Variants in FRMD4A observed in about 807,000 individuals in gnomAD.
FRMD4A encodes FERM domain containing 4A, also known as FERM domain-containing protein 4A.
A neutral mutation model predicts 129.1 loss-of-function variants in FRMD4A; 29 were observed. The ratio of observed to expected loss-of-function variants is 0.22; its 90% CI spans 0.17 to 0.31. The LOEUF (loss-of-function observed/expected upper bound fraction) is 0.31. Ranked by LOEUF, FRMD4A falls within the 10% of genes least tolerant of loss-of-function variation. The probability of loss-of-function intolerance (pLI) is 1.00; values close to 1 mark genes in which losing one functional copy is unlikely to be tolerated. For missense variants in FRMD4A, 1,272 were observed against 1,375.8 expected, an observed-to-expected ratio of 0.92 and a Z score of 1.19; for synonymous variants, 634 against 571.6, an observed-to-expected ratio of 1.11 and a Z score of -1.56.
At chr10:13,730,641 T>C (rs1177636616) in intron 12 of FRMD4A, among the ~76,000 whole-genome samples, 1 of 152,138 alleles carries the variant, frequency 6.6e-6, no homozygotes, top group Non-Finnish European at 1.5e-5. Flanking sequence ...GCAGCGCTTC[T>C]TTCTATTCCC....
intron 3 of FRMD4A, among the ~76,000 whole-genome samples, chr10:13,845,700 A>G (rs1294884708): frequency 6.6e-6 from 1 of 152,182 alleles, no homozygotes; most frequent in African/African-American, 2.4e-5. Flanking sequence ...GTTCTAGTGA[A>G]TTTAACCCTA....
intron 2 of FRMD4A, among the ~76,000 whole-genome samples, chr10:13,908,706 G>C (rs2094909042): frequency 6.6e-6 from 1 of 152,172 alleles, no homozygotes; most frequent in Middle Eastern, 3.2e-3. Context: ...TCATTCATTT[G>C]ATGACCTTCT....
chr10:13,891,870 G>A (rs1226701292), intron 2 of FRMD4A: 2 of 401,610 alleles, frequency 5.0e-6, no homozygotes, highest in African/African-American at 2.2e-5. Context: ...CCCGCCGCCG[G>A]CCCGCCCCTC....
At chr10:13,988,609 G>T (rs2095591022) in intron 2 of FRMD4A, among the ~76,000 whole-genome samples, 1 of 152,198 alleles carries the variant, frequency 6.6e-6, no homozygotes, top group African/African-American at 2.4e-5. Flanking sequence ...TAGATGAATG[G>T]ATGGGTACAT....
chr10:14,034,331 T>A (rs1489307320), intron 2 of FRMD4A, among the ~76,000 whole-genome samples: 1 of 152,162 alleles, frequency 6.6e-6, no homozygotes, highest in Non-Finnish European at 1.5e-5. Context: ...TTCCGAGTGA[T>A]GAGAATCCAG....
chr10:13,812,595 G>A (rs2093467808), intron 3 of FRMD4A, among the ~76,000 whole-genome samples: 1 of 152,228 alleles, frequency 6.6e-6, no homozygotes, highest in African/African-American at 2.4e-5. Flanking sequence ...TTTTAACAGG[G>A]ACACGGAGTA....
chr10:13,759,507 C>G (rs2091985451), intron 8 of FRMD4A, among the ~76,000 whole-genome samples: 2 of 152,136 alleles, frequency 1.3e-5, no homozygotes, highest in Admixed American at 1.3e-4. Context: ...GAGTTCAGAG[C>G]TGGCGAAAGA....
chr10:14,055,595 T>C (rs1291681011), intron 2 of FRMD4A, among the ~76,000 whole-genome samples: 7 of 152,232 alleles, frequency 4.6e-5, no homozygotes, highest in African/African-American at 9.6e-5. Context: ...GGTTAAAAAC[T>C]GTACATTATG....
intron 2 of FRMD4A, among the ~76,000 whole-genome samples, chr10:13,931,170 T>A (rs1215644149): frequency 6.6e-6 from 1 of 152,026 alleles, no homozygotes; most frequent in Non-Finnish European, 1.5e-5. Flanking sequence ...GAAGAGGAGA[T>A]TAGAGATGGT....
chr10:13,703,386 G>A (rs767648255), intron 13 of FRMD4A, among the ~76,000 whole-genome samples: 1 of 152,218 alleles, frequency 6.6e-6, no homozygotes, highest in South Asian at 2.1e-4. Flanking sequence ...ATGAAGCTAA[G>A]CATTGAGTTA....
rs1336713624 is a variant in FRMD4A at position 14,242,759 on chromosome 10, G to T, written c.45+87299C>A. On this transcript the variant is annotated intron_variant, in intron 2 of 24. Transcript: ENST00000357447. ...ACTTTTCATGGGGAGGTCAGACAGG[G>T]AGTCAGAAGTCAAAGAGATTGCTGG... Among the ~76,000 whole-genome samples the T allele has an allele frequency of 3.3e-5, 5 of 152,328 alleles. No homozygotes were observed. In the South Asian group the frequency reaches 8.3e-4, roughly 25 times the overall value.
intron 2 of FRMD4A, among the ~76,000 whole-genome samples, chr10:14,312,161 T>C (rs960868944): frequency 6.6e-5 from 10 of 152,186 alleles, no homozygotes; most frequent in African/African-American, 2.4e-4. Flanking sequence ...AATTTGGGTA[T>C]GATTCTTGGG....
chr10:13,846,457 A>G (rs977261366), intron 3 of FRMD4A, among the ~76,000 whole-genome samples: 5 of 152,174 alleles, frequency 3.3e-5, no homozygotes, highest in Non-Finnish European at 5.9e-5. Flanking sequence ...GGTGAAGGTG[A>G]TGGGGTTCAG....
intron 2 of FRMD4A, among the ~76,000 whole-genome samples, chr10:14,066,317 TG>T (rs1050444821): frequency 4.0e-4 from 38 of 95,136 alleles, no homozygotes; most frequent in African/African-American, 1.4e-3. Flanking sequence ...GTGGGGGGTG[TG>T]GGGGGTGGTC....
chr10:14,233,215 T>G (rs971839976), intron 2 of FRMD4A, among the ~76,000 whole-genome samples: 1 of 152,170 alleles, frequency 6.6e-6, no homozygotes, highest in African/African-American at 2.4e-5. Context: ...CTACCTCCAT[T>G]GGAGAGCAAA....
chr10:13,804,026 A>G (rs1486345871), intron 4 of FRMD4A, among the ~76,000 whole-genome samples: 2 of 152,210 alleles, frequency 1.3e-5, no homozygotes, highest in Non-Finnish European at 2.9e-5. Flanking sequence ...TTAGCTGCAC[A>G]CAGAAAGAGC....
chr10:13,989,768 G>A (rs2095596943), intron 2 of FRMD4A, among the ~76,000 whole-genome samples: 1 of 152,186 alleles, frequency 6.6e-6, no homozygotes, highest in African/African-American at 2.4e-5. Flanking sequence ...GATGGGAGTG[G>A]CCCTATAGTT....
intron 2 of FRMD4A, among the ~76,000 whole-genome samples, chr10:14,308,292 G>A (rs1418644313): frequency 4.6e-5 from 7 of 152,140 alleles, no homozygotes; most frequent in Non-Finnish European, 1.0e-4. Context: ...AAATGACTTT[G>A]GGAAGTGAAG....
intron 2 of FRMD4A, among the ~76,000 whole-genome samples, chr10:14,149,489 C>T (rs1258029156): frequency 6.6e-6 from 1 of 151,866 alleles, no homozygotes; most frequent in East Asian, 1.9e-4. Flanking sequence ...AGAGGTATTG[C>T]CACCATGCCT....
Sources: allele counts gnomAD v4.1 joint callset (sites outside exome capture counted in the v4.1 genomes callset), GRCh38; gene constraint gnomAD v4.1.1; transcripts MANE v1.5; gene names NCBI Gene and HGNC (gene_info 2026-07-23, HGNC 2026-07-21).